The following RBFOX1 variants were observed in gnomAD, a reference collection of about 807,000 sequenced individuals.
RBFOX1 encodes RNA binding fox-1 homolog 1, also known as RNA binding protein fox-1 homolog 1.
Under a neutral mutation model 57.7 loss-of-function variants are expected in RBFOX1, and 8 were observed. The ratio of observed to expected loss-of-function variants is 0.14; its 90% CI spans 0.08 to 0.25. The LOEUF (loss-of-function observed/expected upper bound fraction) is 0.25, where lower values mean the gene tolerates loss of function less well. Ranked by LOEUF, RBFOX1 falls within the 10% of genes least tolerant of loss-of-function variation. The pLI is 1.00. For missense variants in RBFOX1, 611 were observed against 548.5 expected (o/e 1.11, Z -1.14); for synonymous variants, 326 against 222.4 (o/e 1.47, Z -4.15).
At chr16:5,956,216 C>T (rs1369655824) in intron 4 of RBFOX1, among the ~76,000 whole-genome samples, 5 of 152,072 alleles carry the variant, frequency 3.3e-5, no homozygotes, top group Admixed American at 2.6e-4. Context: ...GTGGAGTTTG[C>T]AATGAGCCGA....
At chr16:7,495,049 T>G (rs1258393296) in intron 4 of RBFOX1, among the ~76,000 whole-genome samples, 6 of 152,152 alleles carry the variant, frequency 3.9e-5, no homozygotes, top group Non-Finnish European at 7.3e-5. Context: ...TAGCTCCCAC[T>G]TATAAATGAA....
intron 4 of RBFOX1, among the ~76,000 whole-genome samples, chr16:5,921,704 A>G (rs1043489179): frequency 3.9e-5 from 6 of 152,192 alleles, no homozygotes; most frequent in Non-Finnish European, 8.8e-5. Context: ...ATGGTTCTGC[A>G]GGCTGTACAG....
intron 1 of RBFOX1, among the ~76,000 whole-genome samples, chr16:6,110,959 G>A (rs889590459): frequency 2.0e-4 from 31 of 152,146 alleles, no homozygotes; most frequent in African/African-American, 7.2e-4. Flanking sequence ...AGCATGTGCA[G>A]AAAACAGTAT....
chr16:6,631,565 A>G (rs1354628465), intron 2 of RBFOX1, among the ~76,000 whole-genome samples: 3 of 152,164 alleles, frequency 2.0e-5, no homozygotes, highest in Non-Finnish European at 4.4e-5. Flanking sequence ...GCATGGAAAA[A>G]AGACAAAGGA....
rs79359756 is a variant in RBFOX1 at position 6,523,346 on chromosome 16, A to T, written c.-63-131257A>T. Among the ~76,000 whole-genome samples, 441 of 152,126 alleles carry T rather than the reference A, an allele frequency of 2.9e-3. 8 individuals carry two copies. The East Asian group carries it at 0.054, about 19-fold the overall frequency. ...CCATTTGGACGACAGAGGTGTTTAG[A>T]TGGTTTGGTGTGGGGCTGAGGGGCA... On this transcript the variant is annotated intron_variant, in intron 2 of 15. Coordinates refer to ENST00000550418, the MANE Select transcript of RBFOX1 (RefSeq NM_018723.4).
At chr16:6,347,571 C>T (rs974267869) in intron 2 of RBFOX1, among the ~76,000 whole-genome samples, 5 of 152,160 alleles carry the variant, frequency 3.3e-5, no homozygotes, top group African/African-American at 1.2e-4. Context: ...TTGCATCTTG[C>T]ATATGCATAG....
At chr16:6,657,317 A>G (rs17140847) in intron 3 of RBFOX1, among the ~76,000 whole-genome samples, 7,989 of 151,928 alleles carry the variant, frequency 0.053, 477 homozygotes, top group African/African-American at 0.13. Context: ...TTAAGAAGAG[A>G]TTGGGAGTGA....
rs150984442 is a variant in RBFOX1, at chr16:7,255,839, C to T, written c.27+203741C>T. Among the ~76,000 whole-genome samples the T allele has an allele frequency of 4.5e-3, 681 of 152,132 alleles. 3 individuals are homozygous for T. Among genetic ancestry groups the T allele is most frequent in the African/African-American group, 0.015 (641 of 41,524 alleles). On this transcript the variant is annotated intron_variant, in intron 4 of 15. Coordinates refer to ENST00000550418, the MANE Select transcript of RBFOX1 (RefSeq NM_018723.4). Reference sequence around the variant, plus strand: ...AATGTACATTTTTATACTGACAGCACGTCTCATTTCAGATCAGTCACATTT... The same window carrying T: ...AATGTACATTTTTATACTGACAGCATGTCTCATTTCAGATCAGTCACATTT...
At chr16:5,767,345 A>T (rs1033063086) in intron 3 of RBFOX1, among the ~76,000 whole-genome samples, 2 of 152,224 alleles carry the variant, frequency 1.3e-5, no homozygotes, top group Non-Finnish European at 2.9e-5. Flanking sequence ...TCAAGATGGG[A>T]TGCTGCCCAG....
intron 4 of RBFOX1, among the ~76,000 whole-genome samples, chr16:7,183,624 C>G (rs950237861): frequency 6.6e-6 from 1 of 152,082 alleles, no homozygotes; most frequent in Non-Finnish European, 1.5e-5. Context: ...TTAATAATCT[C>G]TTAGGGTCCC....
intron 2 of RBFOX1, among the ~76,000 whole-genome samples, chr16:6,500,924 C>G (rs563122682): frequency 4.4e-4 from 15 of 34,084 alleles, no homozygotes; most frequent in South Asian, 4.4e-3. Flanking sequence ...TCCTCTGTCC[C>G]TTGTTAAGTT....
At chr16:6,359,961 A>C (rs765612952) in intron 2 of RBFOX1, among the ~76,000 whole-genome samples, 5 of 152,230 alleles carry the variant, frequency 3.3e-5, no homozygotes, top group Admixed American at 6.5e-5. Flanking sequence ...GTGATTTCAA[A>C]AACACCATTC....
At chr16:5,332,310 C>G (rs146139725) in intron 1 of RBFOX1, among the ~76,000 whole-genome samples, 2 of 152,284 alleles carry the variant, frequency 1.3e-5, no homozygotes, top group East Asian at 1.9e-4. Context: ...CTCTGTCACC[C>G]AGGCTGGAGT....
intron 3 of RBFOX1, among the ~76,000 whole-genome samples, chr16:6,961,173 G>A (rs2082928543): frequency 2.3e-5 from 1 of 43,810 alleles, no homozygotes; most frequent in African/African-American, 7.6e-5. Context: ...GCAAAAGAAA[G>A]AAAGAAAAAA....
chr16:5,313,998 A>T (rs2064162708), intron 1 of RBFOX1, among the ~76,000 whole-genome samples: 1 of 152,182 alleles, frequency 6.6e-6, no homozygotes, highest in Admixed American at 6.5e-5. Context: ...CATTCTCAAG[A>T]GGGGTCCAAA....
chr16:5,357,914 G>A (rs537690887), intron 1 of RBFOX1, among the ~76,000 whole-genome samples: 28 of 152,218 alleles, frequency 1.8e-4, no homozygotes, highest in Non-Finnish European at 3.8e-4. Flanking sequence ...ATGACGATTA[G>A]GAATACTAAT....
chr16:7,439,823 G>C (rs1285893923), intron 4 of RBFOX1, among the ~76,000 whole-genome samples: 1 of 152,102 alleles, frequency 6.6e-6, no homozygotes, highest in Non-Finnish European at 1.5e-5. Context: ...TTGAGGAAGA[G>C]GTGACAATGA....
rs758956573 is a variant in RBFOX1, at chr16:7,021,304, CTA to C, written c.-15-30741_-15-30740del. ...GTTTCATTTTATTTTCTCTCTCTCTCTATATATATATATTTACTTTTTAATAT... is the reference window on the plus strand; with the variant it reads ...GTTTCATTTTATTTTCTCTCTCTCTCTATATATATATTTACTTTTTAATAT... On this transcript the variant is annotated intron_variant, in intron 3 of 15. Transcript: ENST00000550418. Among the ~76,000 whole-genome samples the C allele has an allele frequency of 4.7e-5, 7 of 147,968 alleles. 1 individual carries two copies. The South Asian group carries it at 1.3e-3, about 27-fold the overall frequency.
Position 7,153,849 on chromosome 16 carries a change from G to T in RBFOX1, c.27+101751G>T, listed in dbSNP as rs555187583. On this transcript the variant is annotated intron_variant, in intron 4 of 15. Transcript: ENST00000550418. ...GAAGATGCCCTCAAACAGGCTATCA[G>T]ATGTTTTTGTTCTTGATACCAGGCA... Among the ~76,000 whole-genome samples the T allele has an allele frequency of 7.9e-5, 12 of 152,228 alleles. No individual in the cohort carries two copies. In the East Asian group the frequency reaches 2.1e-3, roughly 27 times the overall value.
Sources: gnomAD v4.1 joint callset for allele counts (sites outside exome capture counted in the v4.1 genomes callset) on GRCh38, gnomAD v4.1.1 for gene constraint, MANE v1.5 for transcripts, NCBI Gene and HGNC (gene_info 2026-07-23, HGNC 2026-07-21) for gene names.